The following CTNNA2 variants were observed in gnomAD, a reference collection of about 807,000 sequenced individuals.
CTNNA2 encodes the protein catenin alpha-2.
In CTNNA2, 42 loss-of-function variants were observed where a neutral mutation model predicts 101.0. That is an observed-to-expected ratio of 0.42 (90% confidence interval 0.32 to 0.54). CTNNA2 has a LOEUF of 0.54. Among genes scored for constraint, CTNNA2 ranks in the 20% least tolerant of loss-of-function variants. The pLI, the probability that CTNNA2 is intolerant of heterozygous loss-of-function variation, is 0.14. For synonymous variants in CTNNA2, 450 were observed against 456.4 expected (o/e 0.99, Z 0.18); for missense variants, 871 against 1,223.1 (o/e 0.71, Z 4.29).
intron 7 of CTNNA2, among the ~76,000 whole-genome samples, chr2:79,922,434 C>T (rs528067693): frequency 2.0e-5 from 3 of 152,152 alleles, no homozygotes; most frequent in Admixed American, 6.5e-5. Flanking sequence ...CCTCTTCTTC[C>T]GTGTATCTTA....
chr2:79,431,535 G>A (rs143119936), intron 4 of CTNNA2, among the ~76,000 whole-genome samples: 10 of 152,250 alleles, frequency 6.6e-5, no homozygotes, highest in Non-Finnish European at 1.3e-4. Flanking sequence ...GACATGACAC[G>A]TGTTACTCCT....
intron 4 of CTNNA2, among the ~76,000 whole-genome samples, chr2:79,402,368 C>G (rs941347154): frequency 6.6e-6 from 1 of 151,604 alleles, no homozygotes; most frequent in African/African-American, 2.4e-5. Context: ...CGCAATAGTC[C>G]CCTTTATCTG....
chr2:80,591,581 C>A (rs1696515536), intron 15 of CTNNA2, among the ~76,000 whole-genome samples: 1 of 150,624 alleles, frequency 6.6e-6, no homozygotes, highest in African/African-American at 2.4e-5. Context: ...TTGCATATTC[C>A]ACTTCAAGGA....
At chr2:80,591,933 A>G (rs1034336486) in intron 15 of CTNNA2, among the ~76,000 whole-genome samples, 1 of 152,088 alleles carries the variant, frequency 6.6e-6, no homozygotes, top group African/African-American at 2.4e-5. Flanking sequence ...CTTCCATCTC[A>G]TGGACAATGG....
rs183803441 is a variant in CTNNA2 at position 79,524,286 on chromosome 2, C to T, written c.-6+11079C>T. Among the ~76,000 whole-genome samples, 19 of 151,838 alleles carry T rather than the reference C, an allele frequency of 1.3e-4. No individual in the cohort carries two copies. In the East Asian group the frequency reaches 3.7e-3, roughly 29 times the overall value. On this transcript the variant is annotated intron_variant, in intron 1 of 18. Coordinates refer to ENST00000402739, the MANE Select transcript of CTNNA2 (RefSeq NM_001282597.3). The stretch of plus-strand genomic sequence containing the variant: ...GCCTTCTTTATAGAAGGAAATATTT[C>T]TCATTTTGTGTTATTGCTATCTTGT...
intron 9 of CTNNA2, among the ~76,000 whole-genome samples, chr2:80,438,849 A>G (rs777744284): frequency 3.6e-4 from 55 of 152,188 alleles, no homozygotes; most frequent in Non-Finnish European, 7.8e-4. Context: ...GAAAAATCAC[A>G]GGAGACCTTG....
At chr2:79,296,327 T>C (rs1184136020) in intron 2 of CTNNA2, among the ~76,000 whole-genome samples, 1 of 152,182 alleles carries the variant, frequency 6.6e-6, no homozygotes, top group African/African-American at 2.4e-5. Context: ...TATAGCACTT[T>C]TAACTTTGCA....
intron 7 of CTNNA2, among the ~76,000 whole-genome samples, chr2:80,388,588 G>T (rs940912873): frequency 3.9e-5 from 6 of 152,310 alleles, no homozygotes; most frequent in Admixed American, 1.3e-4. Context: ...AGATGATAAG[G>T]TTGGAGTCTA....
chr2:79,651,735 GA>G, intron 2 of CTNNA2, 77 bp downstream of exon 2: 1 of 1,215,720 alleles, frequency 8.2e-7, no homozygotes. Context: ...GAAAAACTTA[GA>G]CATCCTTAAA....
At chr2:79,897,012 A>T (rs977110986) in intron 6 of CTNNA2, among the ~76,000 whole-genome samples, 19 of 152,232 alleles carry the variant, frequency 1.2e-4, no homozygotes, top group African/African-American at 4.6e-4. Context: ...AAGGCCAGGC[A>T]TCTTAGTCAT....
At chr2:79,312,848 C>T (rs752044042) in intron 3 of CTNNA2, 25 of 152,174 alleles carry the variant, frequency 1.6e-4, no homozygotes, top group Non-Finnish European at 3.4e-4. Flanking sequence ...AGCTTATATC[C>T]AATCACTTTT....
intron 7 of CTNNA2, among the ~76,000 whole-genome samples, chr2:80,155,170 A>G (rs1037026461): frequency 6.6e-6 from 1 of 152,180 alleles, no homozygotes; most frequent in African/African-American, 2.4e-5. Flanking sequence ...CAGAAATGTG[A>G]TTAGAAAAGA....
intron 1 of CTNNA2, among the ~76,000 whole-genome samples, chr2:79,542,862 T>C (rs963016098): frequency 6.6e-6 from 1 of 152,148 alleles, no homozygotes; most frequent in African/African-American, 2.4e-5. Flanking sequence ...TCCTGATTTT[T>C]TTCACTGTAG....
chr2:80,151,953 G>A (rs1375610730), intron 7 of CTNNA2, among the ~76,000 whole-genome samples: 1 of 152,228 alleles, frequency 6.6e-6, no homozygotes, highest in Admixed American at 6.5e-5. Context: ...CTGCTGTCTT[G>A]TTGCTGCATT....
intron 3 of CTNNA2, among the ~76,000 whole-genome samples, chr2:79,837,008 G>A (rs569087491): frequency 7.9e-5 from 12 of 152,248 alleles, no homozygotes; most frequent in South Asian, 2.1e-4. Flanking sequence ...AAGTAAGGAC[G>A]AATTCGTAAG....
intron 7 of CTNNA2, among the ~76,000 whole-genome samples, chr2:80,354,102 C>T (rs573569603): frequency 6.6e-6 from 1 of 152,248 alleles, no homozygotes; most frequent in South Asian, 2.1e-4. Flanking sequence ...GAGCCTCTTT[C>T]AGAACTTCTT....
chr2:79,956,408 A>G (rs1025548053), intron 7 of CTNNA2, among the ~76,000 whole-genome samples: 2 of 152,192 alleles, frequency 1.3e-5, no homozygotes, highest in Non-Finnish European at 2.9e-5. Flanking sequence ...ACACACCAAC[A>G]GTATATTGAA....
intron 6 of CTNNA2, among the ~76,000 whole-genome samples, chr2:79,891,769 GAAGT>G (rs1208474919): frequency 6.6e-6 from 1 of 152,066 alleles, no homozygotes; most frequent in Non-Finnish European, 1.5e-5. Flanking sequence ...TAGTTTTCCT[GAAGT>G]AAGTAGGAAG....
chr2:79,452,115 G>T (rs1573172385), intron 4 of CTNNA2, among the ~76,000 whole-genome samples: 1 of 152,064 alleles, frequency 6.6e-6, no homozygotes, highest in East Asian at 1.9e-4. Flanking sequence ...CATTAAATTA[G>T]TTTGCAAGAA....
Sources: allele counts gnomAD v4.1 joint callset (sites outside exome capture counted in the v4.1 genomes callset), GRCh38; gene constraint gnomAD v4.1.1; transcripts MANE v1.5; gene names NCBI Gene and HGNC (gene_info 2026-07-23, HGNC 2026-07-21).